TEX101: variants seen among roughly 807,000 people sequenced by gnomAD.
TEX101 encodes the protein testis-expressed protein 101.
In TEX101, 10 loss-of-function variants were observed where a neutral mutation model predicts 18.1. The ratio of observed to expected loss-of-function variants is 0.55; its 90% CI spans 0.34 to 0.94. The LOEUF is 0.94. Ranked by LOEUF, TEX101 falls within the 40% of genes least tolerant of loss-of-function variation. The probability of loss-of-function intolerance (pLI) is 0.02; values close to 1 mark genes in which losing one functional copy is unlikely to be tolerated. For missense variants in TEX101, 259 were observed against 298.9 expected (o/e 0.87, Z 0.98); for synonymous variants, 94 against 114.8 (o/e 0.82, Z 1.16).
upstream of TEX101, among the ~76,000 whole-genome samples, chr19:43,397,656 C>T (rs563913280): frequency 6.7e-6 from 1 of 149,634 alleles, no homozygotes; most frequent in African/African-American, 2.5e-5. Flanking sequence ...TGCCTCTCCC[C>T]AGAATGACTA....
At chr19:43,415,141 G>A (rs111533585) in intron 1 of TEX101, 103 bp downstream of exon 1, 5 of 843,234 alleles carry the variant, frequency 5.9e-6, no homozygotes, top group Admixed American at 6.3e-5. Context: ...GGTGTGTCCC[G>A]CAGGAAAAGG....
intron 4 of TEX101, among the ~76,000 whole-genome samples, chr19:43,416,779 A>C (rs1189960764): frequency 6.6e-6 from 1 of 152,172 alleles, no homozygotes; most frequent in African/African-American, 2.4e-5. Context: ...TTTTGTGTTT[A>C]TTAAGCAATA....
upstream of TEX101, among the ~76,000 whole-genome samples, chr19:43,413,268 G>T (rs1970435129): frequency 6.6e-6 from 1 of 152,090 alleles, no homozygotes; most frequent in African/African-American, 2.4e-5. Context: ...AGCACTTTGG[G>T]GGGCGGGCGG....
the TEX101 span, among the ~76,000 whole-genome samples, chr19:43,392,832 T>C: frequency 5.3e-5 from 8 of 151,796 alleles, no homozygotes; most frequent in Non-Finnish European, 1.0e-4. Context: ...CTGAGACGGG[T>C]GGATCATTTG....
upstream of TEX101, among the ~76,000 whole-genome samples, chr19:43,412,412 T>C (rs1970426947): frequency 6.6e-6 from 1 of 152,110 alleles, no homozygotes; most frequent in Non-Finnish European, 1.5e-5. Context: ...TCTCCAACAC[T>C]GGGAATTACA....
At chr19:43,405,686 A>C (rs1970354975) in intron 2 of TEX101, among the ~76,000 whole-genome samples, 1 of 151,864 alleles carries the variant, frequency 6.6e-6, no homozygotes, top group Non-Finnish European at 1.5e-5. Context: ...GCATTTTGGG[A>C]GGCCAAGGCA....
At chr19:43,396,826 ATTTTTTTTTT>A (rs1202828153), upstream of TEX101, among the ~76,000 whole-genome samples, 1 of 82,874 alleles carries the variant, frequency 1.2e-5, no homozygotes, top group Non-Finnish European at 2.2e-5. Context: ...TGTTTTCAGC[ATTTTTTTTTT>A]TTTTTTTTTT....
chr19:43,390,700 C>T, the TEX101 span, among the ~76,000 whole-genome samples: 1 of 151,772 alleles, frequency 6.6e-6, no homozygotes, highest in Non-Finnish European at 1.5e-5. Flanking sequence ...ATCTCCTGAC[C>T]TCGTGATCTG....
At chr19:43,413,981 AGGCAT>A (rs1970443212), upstream of TEX101, among the ~76,000 whole-genome samples, 1 of 151,846 alleles carries the variant, frequency 6.6e-6, no homozygotes. Flanking sequence ...AAAATTAGCC[AGGCAT>A]GGTAGCTTAT....
At chr19:43,391,396 TTC>T in the TEX101 span, among the ~76,000 whole-genome samples, 1 of 147,422 alleles carries the variant, frequency 6.8e-6, no homozygotes, top group Non-Finnish European at 1.5e-5. Context: ...ACTTGTTCTT[TTC>T]TGTTTTTCTT....
At chr19:43,390,360 A>G in the TEX101 span, among the ~76,000 whole-genome samples, 4 of 151,932 alleles carry the variant, frequency 2.6e-5, no homozygotes, top group Non-Finnish European at 5.9e-5. Context: ...TTTATGCAAA[A>G]CAATAGGAAT....
At chr19:43,407,208 G>T (rs1195537740) in intron 3 of TEX101, among the ~76,000 whole-genome samples, 1 of 152,198 alleles carries the variant, frequency 6.6e-6, no homozygotes, top group Non-Finnish European at 1.5e-5. Context: ...GCTGGGGCTG[G>T]GGCTGTGGCT....
intron 2 of TEX101, among the ~76,000 whole-genome samples, chr19:43,405,154 G>T (rs376372966): frequency 2.6e-5 from 4 of 152,152 alleles, no homozygotes; most frequent in Non-Finnish European, 5.9e-5. Context: ...TAAATCTAAG[G>T]TCATTTTATT....
rs1213202347 is a variant in TEX101 at position 43,418,362 on chromosome 19, C to T, written c.715C>T (p.Pro239Ser). Residue 239 changes from proline to serine, a missense_variant, in exon 6 of 6, where the codon CCA becomes TCA. By Grantham distance (74) the Pro-to-Ser change is moderately conservative. Coordinates refer to ENST00000598265, the MANE Select transcript of TEX101 (RefSeq NM_001130011.3). ...TGTTTGGGGGTTACAGCTACTGCTG[C>T]CATTGCTGCTGCCATCATTTATTCA... is the stretch of plus-strand genomic sequence containing the variant. ...IPVWGLQLLL[P>S]LLLPSFIHFS is the part of the protein sequence containing the mutation. The T allele has an allele frequency of 3.7e-6, 6 of 1,613,966 alleles. No homozygotes were observed. Among genetic ancestry groups the T allele is most frequent in the Admixed American group, 1.7e-5 (1 of 60,008 alleles).
At chr19:43,415,532 C>T (rs1970464644) in intron 1 of TEX101, among the ~76,000 whole-genome samples, 1 of 152,028 alleles carries the variant, frequency 6.6e-6, no homozygotes, top group Non-Finnish European at 1.5e-5. Flanking sequence ...GGGGACGAGG[C>T]GGGCAGATCA....
chr19:43,403,372 A>C (rs1970334097), intron 2 of TEX101, among the ~76,000 whole-genome samples: 1 of 152,046 alleles, frequency 6.6e-6, no homozygotes, highest in Non-Finnish European at 1.5e-5. Flanking sequence ...ACCAAACACC[A>C]CATGTTCTCA....
upstream of TEX101, among the ~76,000 whole-genome samples, chr19:43,412,104 G>A (rs1305418684): frequency 6.6e-6 from 1 of 152,184 alleles, no homozygotes; most frequent in East Asian, 1.9e-4. Context: ...TTCTTGCACT[G>A]CTATAAAGAA....
At chr19:43,410,863 CA>C (rs950831487), upstream of TEX101, among the ~76,000 whole-genome samples, 27 of 150,422 alleles carry the variant, frequency 1.8e-4, no homozygotes, top group South Asian at 1.7e-3. Flanking sequence ...CTATAAAGTA[CA>C]AAAAAAAAAT....
At chr19:43,396,473 T>C in the TEX101 span, among the ~76,000 whole-genome samples, 1 of 152,226 alleles carries the variant, frequency 6.6e-6, no homozygotes, top group Non-Finnish European at 1.5e-5. Flanking sequence ...TCTTTTACTC[T>C]AATAGGCGCT....
Sources: allele counts gnomAD v4.1 joint callset (sites outside exome capture counted in the v4.1 genomes callset), GRCh38; gene constraint gnomAD v4.1.1; transcripts MANE v1.5; gene names NCBI Gene and HGNC (gene_info 2026-07-23, HGNC 2026-07-21).